SMPDL3A: variants seen among roughly 807,000 people sequenced by gnomAD.
The protein encoded by SMPDL3A is cyclic GMP-AMP phosphodiesterase SMPDL3A.
In SMPDL3A, 39 loss-of-function variants were observed where a neutral mutation model predicts 38.5. The observed-to-expected ratio is 1.01, with a 90% CI of 0.78 to 1.32. The LOEUF (loss-of-function observed/expected upper bound fraction) is 1.32. Among genes scored for constraint, SMPDL3A ranks in the 40% most tolerant of loss-of-function variants. The probability of loss-of-function intolerance (pLI) is 0.00; values close to 1 mark genes in which losing one functional copy is unlikely to be tolerated. For synonymous variants in SMPDL3A, 180 were observed against 194.3 expected (o/e 0.93, Z 0.61); for missense variants, 502 against 536.2 (o/e 0.94, Z 0.63).
chr6:122,795,444 G>C (rs931013065), intron 1 of SMPDL3A, among the ~76,000 whole-genome samples: 9 of 152,078 alleles, frequency 5.9e-5, no homozygotes, highest in Non-Finnish European at 1.0e-4. Context: ...CGCCCGGCCT[G>C]AGCTCATCAG....
intron 7 of SMPDL3A, among the ~76,000 whole-genome samples, chr6:122,808,597 C>T (rs1194410108): frequency 3.6e-4 from 13 of 35,854 alleles, no homozygotes; most frequent in African/African-American, 8.9e-4. Context: ...CTCCCTTCCT[C>T]CCTCCCTCCC....
At chr6:122,802,455 G>A (rs1292086798) in intron 4 of SMPDL3A, among the ~76,000 whole-genome samples, 1 of 152,118 alleles carries the variant, frequency 6.6e-6, no homozygotes, top group East Asian at 1.9e-4. Flanking sequence ...ACCTGCCTCA[G>A]CCTCCCAAAG....
rs1469046499 is a variant in SMPDL3A at position 122,808,645 on chromosome 6, CCCCT to C, written c.1045-443_1045-440del. On this transcript the variant is annotated intron_variant, in intron 7 of 7. Transcript: ENST00000368440. ...TTCCTTCCTTCCTTCCTTCCTTCCC[CCCCT>C]CCTCCCCCCTCCCTCCCTCTCCTTC... Among the ~76,000 whole-genome samples, 160 of 49,110 alleles carry C rather than the reference CCCCT, an allele frequency of 3.3e-3. 1 individual carries two copies. The highest frequency in any genetic ancestry group is 0.01 in the African/African-American group (133 of 12,684). The allele number at this position is 49,110 out of a possible 152,430, so 32.2% of individuals were successfully genotyped here. A position where few individuals can be genotyped will look rare whatever the true frequency, so the allele number is the denominator to read the frequency against.
chr6:122,794,441 C>CA (rs1166846605), intron 1 of SMPDL3A, among the ~76,000 whole-genome samples: 3 of 151,820 alleles, frequency 2.0e-5, no homozygotes, highest in South Asian at 2.1e-4. Context: ...ACTAAAAATA[C>CA]AAAAAATTAG....
intron 4 of SMPDL3A, among the ~76,000 whole-genome samples, chr6:122,801,721 T>G (rs1781434444): frequency 6.6e-6 from 1 of 152,242 alleles, no homozygotes; most frequent in South Asian, 2.1e-4. Flanking sequence ...GAAAATTGAT[T>G]GAGAAGAGAG....
At chr6:122,803,983 T>TA in intron 5 of SMPDL3A, 150 bp downstream of exon 5, 1 of 608,390 alleles carries the variant, frequency 1.6e-6, no homozygotes. Context: ...GGATTTTCTT[T>TA]CTTTTTTTTT....
chr6:122,808,607 C>CT (rs1452542052), intron 7 of SMPDL3A, among the ~76,000 whole-genome samples: 2,581 of 74,664 alleles, frequency 0.035, 83 homozygotes, highest in Admixed American at 0.14. Context: ...CCCTCCCTCC[C>CT]TCCCTTCCTT....
At chr6:122,796,672 G>A in intron 2 of SMPDL3A, 152 bp from the exon 3 acceptor site, 1 of 466,346 alleles carries the variant, frequency 2.1e-6, no homozygotes, top group Non-Finnish European at 3.7e-6. Flanking sequence ...GTAGGGTAGA[G>A]GTAAGTGAAG....
At chr6:122,789,833 C>G in intron 1 of SMPDL3A, 1 of 985,282 alleles carries the variant, frequency 1.0e-6, no homozygotes, top group Non-Finnish European at 1.2e-6. Context: ...GCTGGGAGTC[C>G]GATGTCCAGC....
rs527549984 is a variant in SMPDL3A at position 122,789,356 on chromosome 6, G to A, written c.10G>A (p.Val4Met). ...AGCCCCGCGGCCCTCCATGGCGCTG[G>A]TGCGCGCACTCGTCTGCTGCCTGCT... MAL[V>M]RALVCCLLTA... is the part of the protein sequence containing the mutation. Residue 4 changes from valine to methionine, a missense_variant, in exon 1 of 8, where the codon GTG (valine) becomes ATG (methionine). Physicochemically the swap from Val to Met is conservative, Grantham distance 21. Transcript: ENST00000368440. The A allele has an allele frequency of 4.9e-5, 76 of 1,546,234 alleles. 1 individual carries two copies. In the South Asian group the frequency reaches 8.0e-4, roughly 16 times the overall value.
chr6:122,809,400 A>C lies in SMPDL3A; in HGVS notation c.1354A>C (p.Asn452His). ...CCTCAAACAGCTTTATATAAAGCAC[A>C]ATTACTAGTATTTCACAGTTTTTGC... ...DCLKQLYIKH[N>H]Y The change falls in exon 8 of 8, where the codon AAT becomes CAT. Residue 452 changes from asparagine to histidine, a missense_variant. Asn to His is a moderately conservative substitution (Grantham distance 68). Transcript: ENST00000368440. The C allele has an allele frequency of 6.3e-7, 1 of 1,599,336 alleles. No individual in the cohort carries two copies. Among genetic ancestry groups the C allele is most frequent in the Non-Finnish European group, 8.5e-7 (1 of 1,169,620 alleles).
intron 7 of SMPDL3A, 126 bp downstream of exon 7, chr6:122,806,483 C>A: frequency 1.0e-6 from 1 of 977,764 alleles, no homozygotes; most frequent in Non-Finnish European, 1.5e-6. Context: ...TCCTGGCATC[C>A]TTCTTCTTTT....
chr6:122,791,383 C>G (rs1469044926), intron 1 of SMPDL3A, among the ~76,000 whole-genome samples: 1 of 152,146 alleles, frequency 6.6e-6, no homozygotes. Context: ...TGTGAATGAA[C>G]TGTAACCTAG....
chr6:122,795,251 C>T (rs1781204336), intron 1 of SMPDL3A, among the ~76,000 whole-genome samples: 1 of 152,114 alleles, frequency 6.6e-6, no homozygotes. Flanking sequence ...AAGTGATTCT[C>T]CTGCGTCAGC....
At chr6:122,800,677 T>C (rs757582467) in intron 3 of SMPDL3A, among the ~76,000 whole-genome samples, 5 of 152,228 alleles carry the variant, frequency 3.3e-5, no homozygotes, top group Non-Finnish European at 7.3e-5. Flanking sequence ...ATAAAGTCCT[T>C]ATTTAAGGCC....
At chr6:122,802,402 A>G (rs1016996847) in intron 4 of SMPDL3A, among the ~76,000 whole-genome samples, 7 of 152,070 alleles carry the variant, frequency 4.6e-5, no homozygotes, top group Middle Eastern at 6.8e-3. Context: ...GGGTTTCACT[A>G]TGTTGGTCAG....
At chr6:122,791,633 C>G (rs1781079731) in intron 1 of SMPDL3A, among the ~76,000 whole-genome samples, 1 of 152,136 alleles carries the variant, frequency 6.6e-6, no homozygotes, top group African/African-American at 2.4e-5. Flanking sequence ...GAGAGTTTTT[C>G]TAGATTTGCT....
chr6:122,800,031 C>T (rs1029068517), intron 3 of SMPDL3A, among the ~76,000 whole-genome samples: 1 of 145,518 alleles, frequency 6.9e-6, no homozygotes, highest in African/African-American at 2.5e-5. Context: ...TGCAGTGGCA[C>T]AATCATAGAT....
At chr6:122,793,972 G>GA (rs376290754) in intron 1 of SMPDL3A, among the ~76,000 whole-genome samples, 1 of 151,778 alleles carries the variant, frequency 6.6e-6, no homozygotes, top group Non-Finnish European at 1.5e-5. Context: ...CAAAAGTGTG[G>GA]AAAAAAATCT....
Sources: allele counts gnomAD v4.1 joint callset (sites outside exome capture counted in the v4.1 genomes callset), GRCh38; gene constraint gnomAD v4.1.1; transcripts MANE v1.5; gene names NCBI Gene and HGNC (gene_info 2026-07-23, HGNC 2026-07-21).